The following REELD1 variants were observed in gnomAD, a reference collection of about 807,000 sequenced individuals.
The protein encoded by REELD1 is reeler domain containing 1, also known as reelin domain-containing protein 1.
Under a neutral mutation model 6.3 loss-of-function variants are expected in REELD1, and 12 were observed. The ratio of observed to expected loss-of-function variants is 1.89; its 90% confidence interval spans 1.21 to 3.07. The LOEUF (loss-of-function observed/expected upper bound fraction) is 3.07. Among genes scored for constraint, REELD1 ranks in the 30% most tolerant of loss-of-function variants. REELD1 has a pLI of 0.00. For synonymous variants in REELD1, 57 were observed against 33.6 expected, an observed-to-expected ratio of 1.70 and a Z score of -2.42; for missense variants, 163 against 86.8, an observed-to-expected ratio of 1.88 and a Z score of -3.49.
Position 146,230,310 on chromosome 4 carries a change from G to A in REELD1, c.1378G>A (p.Ala460Thr), listed in dbSNP as rs373607511. Reference sequence around the variant, plus strand: ...AGCCACCCTGGGCATGGCCCTGGCCGCTGGCCTTCGCTACCTGCACACCCA... The same window carrying A: ...AGCCACCCTGGGCATGGCCCTGGCCACTGGCCTTCGCTACCTGCACACCCA... Reference protein sequence around the residue: ...LSATLGMALAAGLRYLHTQYC... With the variant: ...LSATLGMALATGLRYLHTQYC... The change falls in exon 8 of 8, where the codon GCT (alanine) becomes ACT (threonine). Residue 460 changes from alanine to threonine, a missense_variant. By Grantham distance (58) the Ala-to-Thr change is moderately conservative. Coordinates refer to ENST00000623665, the MANE Select transcript of REELD1 (RefSeq NM_001354631.1). 5.3e-5 allele frequency: 21 copies of A among 398,808 alleles called. No individual in the cohort carries two copies. The highest frequency in any genetic ancestry group is 1.8e-4 in the Admixed American group (4 of 22,728). 24.7% of individuals were successfully genotyped at this position (398,808 alleles called of 1,614,324 possible).
chr4:146,221,749 C>T (rs1578698468), intron 3 of REELD1, among the ~76,000 whole-genome samples: 1 of 152,056 alleles, frequency 6.6e-6, no homozygotes, highest in South Asian at 2.1e-4. Context: ...CTCCCAGCTA[C>T]TCGAGAGGCT....
In REELD1 at chr4:146,217,097, G is replaced by C; in HGVS notation, c.145G>C (p.Asp49His). 1 of 399,832 alleles carries C rather than the reference G, an allele frequency of 2.5e-6. No individual in the cohort carries two copies. The allele number at this position is 399,832 out of a possible 1,614,324, so 24.8% of individuals were successfully genotyped here. The change falls in exon 3 of 8, where the codon GAC becomes CAC. Residue 49 changes from aspartate (D) to histidine (H), a missense_variant. Transcript: ENST00000623665. ...KHIQAQPQHQ[D>H]SHHITIHTHR... ...CATCCAAGCCCAGCCTCAGCACCAGGACAGCCACCACATCACCATCCACAC... is the reference window on the plus strand; with the variant it reads ...CATCCAAGCCCAGCCTCAGCACCAGCACAGCCACCACATCACCATCCACAC...
At chr4:146,216,101 G>A (rs145631000) in intron 2 of REELD1, among the ~76,000 whole-genome samples, 3 of 152,238 alleles carry the variant, frequency 2.0e-5, no homozygotes, top group Admixed American at 2.0e-4. Context: ...TATTTATGTA[G>A]GCAGATTTTC....
At position 146,231,193 on chromosome 4, in the gene REELD1, C is replaced by T. The variant is rs779314651; in HGVS notation, c.*680C>T. On this transcript the variant is annotated 3_prime_UTR_variant, in exon 8 of 8. Transcript: ENST00000623665. ...TATACATGCAACACAAGGCCGTAAA[C>T]ACCAGAGTGGGGTAAGAAAGCCTTT... is the stretch of plus-strand genomic sequence containing the variant. 2.1e-4 allele frequency among the ~76,000 whole-genome samples: 32 copies of T among 152,230 alleles called. No individual in the cohort carries two copies. The highest frequency in any genetic ancestry group is 4.0e-4 in the Non-Finnish European group (27 of 68,046).
intron 2 of REELD1, among the ~76,000 whole-genome samples, chr4:146,216,609 G>A (rs1210888074): frequency 6.6e-6 from 1 of 152,196 alleles, no homozygotes; most frequent in South Asian, 2.1e-4. Flanking sequence ...CTTGCAAGGA[G>A]CTCACGCTAG....
chr4:146,216,630 T>G (rs912726626), intron 2 of REELD1, among the ~76,000 whole-genome samples: 1 of 152,220 alleles, frequency 6.6e-6, no homozygotes, highest in Non-Finnish European at 1.5e-5. Context: ...GATACAAACA[T>G]TTTCTGGTTT....
In REELD1 at chr4:146,230,565, G is replaced by A. The variant is rs192192318; in HGVS notation, c.*52G>A. ...TGGCCCTCCTTGGGCCCTGGAGAGT[G>A]TCCCAGACAGAGCAGAGATAATGAG... On this transcript the variant is annotated 3_prime_UTR_variant, in exon 8 of 8. Transcript: ENST00000623665. The A allele has an allele frequency of 5.3e-5, 21 of 398,244 alleles. No individual in the cohort carries two copies. The East Asian group carries it at 7.1e-4, about 14-fold the overall frequency. 24.7% of individuals were successfully genotyped at this position (398,244 alleles called of 1,614,324 possible).
At position 146,217,179 on chromosome 4, in the gene REELD1, TAG is replaced by T. The variant is rs1730842643; in HGVS notation, c.208+25_208+26del. On this transcript the variant is annotated intron_variant, in intron 3 of 7. Coordinates refer to ENST00000623665, the MANE Select transcript of REELD1 (RefSeq NM_001354631.1). Reference sequence around the variant, plus strand: ...ATTCCAGGTATGTACCAGAGAGGCTTAGAGAGACTCCGAGGAGCCCCAGAGCC... The same window carrying T: ...ATTCCAGGTATGTACCAGAGAGGCTTAGAGACTCCGAGGAGCCCCAGAGCC... The T allele has an allele frequency of 1.0e-5, 4 of 399,132 alleles. No individual in the cohort carries two copies. The highest frequency in any genetic ancestry group is 1.8e-5 in the Non-Finnish European group (4 of 226,332). 24.7% of individuals were successfully genotyped at this position (399,132 alleles called of 1,614,324 possible). A position where few individuals can be genotyped will look rare whatever the true frequency, so the allele number is the denominator to read the frequency against.
At chr4:146,220,868 A>T (rs2110918520) in intron 3 of REELD1, among the ~76,000 whole-genome samples, 1 of 152,314 alleles carries the variant, frequency 6.6e-6, no homozygotes, top group South Asian at 2.1e-4. Context: ...CATGAATGTA[A>T]CATCTGGGTT....
At position 146,230,258 on chromosome 4, in the gene REELD1, T is replaced by C. The variant is rs2278473; in HGVS notation, c.1326T>C (p.Pro442=). ...CTCTGGGTATCCAGCTCAGAACTCCTCAGCTGGGAATTCTGCTTTGCCTGT... is the reference window on the plus strand; with the variant it reads ...CTCTGGGTATCCAGCTCAGAACTCCCCAGCTGGGAATTCTGCTTTGCCTGT... The part of the protein sequence containing the change: ...QAPLGIQLRT[P]QLGILLCLSA... The change falls in exon 8 of 8, where the codon CCT becomes CCC. Residue 442 remains proline, a synonymous_variant. Transcript: ENST00000623665. The C allele has an allele frequency of 0.36, 145,086 of 398,618 alleles. 27,702 individuals are homozygous for C. Among genetic ancestry groups the C allele is most frequent in the African/African-American group, 0.54 (26,092 of 48,682 alleles). 24.7% of individuals were successfully genotyped at this position (398,618 alleles called of 1,614,324 possible).
chr4:146,229,775 A>G (rs1731091614), intron 7 of REELD1, 130 bp from the exon 8 acceptor site: 3 of 396,812 alleles, frequency 7.6e-6, no homozygotes, highest in Non-Finnish European at 1.3e-5. Context: ...CTCCTTTAGT[A>G]GCAAGAAAGA....
chr4:146,232,091 G>T lies in REELD1; in HGVS notation c.*1578G>T, dbSNP rs1042645746. 1 of 152,232 alleles carries T rather than the reference G, an allele frequency of 6.6e-6. No individual in the cohort carries two copies. Among genetic ancestry groups the T allele is most frequent in the Non-Finnish European group, 1.5e-5 (1 of 68,054 alleles). 9.4% of individuals were successfully genotyped at this position (152,232 alleles called of 1,614,324 possible). Reference sequence around the variant, plus strand: ...GCAAACAAGGGACCCCATTAGTGGAGAGCTTTCATCTGGCCACATCACATC... The same window carrying T: ...GCAAACAAGGGACCCCATTAGTGGATAGCTTTCATCTGGCCACATCACATC... On this transcript the variant is annotated 3_prime_UTR_variant, in exon 8 of 8. Coordinates refer to ENST00000623665, the MANE Select transcript of REELD1 (RefSeq NM_001354631.1).
chr4:146,214,681 A>G lies in REELD1; in HGVS notation c.-148A>G, dbSNP rs527243475. Reference sequence around the variant, plus strand: ...AAGCCATTCTATCAAGCCTGAAGAAAACTGTGTTCCTAGGTAAGTGGATGT... The same window carrying G: ...AAGCCATTCTATCAAGCCTGAAGAAGACTGTGTTCCTAGGTAAGTGGATGT... On this transcript the variant is annotated 5_prime_UTR_variant, in exon 1 of 8. Coordinates refer to ENST00000623665, the MANE Select transcript of REELD1 (RefSeq NM_001354631.1). 2.0e-5 allele frequency: 3 copies of G among 151,862 alleles called. No homozygotes were observed. In the East Asian group the frequency reaches 5.8e-4, roughly 29 times the overall value. 9.4% of individuals were successfully genotyped at this position (151,862 alleles called of 1,614,324 possible). A position where few individuals can be genotyped will look rare whatever the true frequency, so the allele number is the denominator to read the frequency against.
Position 146,228,314 on chromosome 4 carries a change from A to T in REELD1, c.700A>T (p.Ile234Phe), listed in dbSNP as rs1372768152. 2.8e-6 allele frequency: 2 copies of T among 702,504 alleles called. No homozygotes were observed. Among genetic ancestry groups the T allele is most frequent in the Admixed American group, 4.0e-5 (2 of 50,000 alleles). The allele number at this position is 702,504 out of a possible 1,614,324, so 43.5% of individuals were successfully genotyped here. The change falls in exon 6 of 8, where the codon ATT (isoleucine) becomes TTT (phenylalanine). Residue 234 changes from isoleucine (I) to phenylalanine (F), a missense_variant. By Grantham distance (21) the Ile-to-Phe change is conservative (BLOSUM62 0). Coordinates refer to ENST00000623665, the MANE Select transcript of REELD1 (RefSeq NM_001354631.1). ...EDNLDPVPAS[I>F]WVTKFPGDAE... Reference sequence around the variant, plus strand: ...CAACCTAGATCCTGTTCCTGCCAGTATTTGGGTGACAAAGTTTCCTGGGGA... The same window carrying T: ...CAACCTAGATCCTGTTCCTGCCAGTTTTTGGGTGACAAAGTTTCCTGGGGA...
chr4:146,218,624 C>T (rs144232311), intron 3 of REELD1, among the ~76,000 whole-genome samples: 9 of 152,258 alleles, frequency 5.9e-5, no homozygotes, highest in South Asian at 2.1e-4. Context: ...CCCCAATATA[C>T]TGAATTAAGT....
chr4:146,215,524 G>A (rs1730808599), intron 2 of REELD1, among the ~76,000 whole-genome samples: 1 of 152,148 alleles, frequency 6.6e-6, no homozygotes, highest in Admixed American at 6.5e-5. Flanking sequence ...GAGACAATGG[G>A]AGTGGAGGAC....
At chr4:146,216,083 A>G (rs1730821532) in intron 2 of REELD1, among the ~76,000 whole-genome samples, 1 of 152,186 alleles carries the variant, frequency 6.6e-6, no homozygotes, top group Non-Finnish European at 1.5e-5. Context: ...GCCTGTGATA[A>G]TCCTAAATAT....
Position 146,230,477 on chromosome 4 carries a change from C to T in REELD1, c.1545C>T (p.Ile515=). The change falls in exon 8 of 8, where the codon ATC becomes ATT. Residue 515 remains isoleucine (I), a synonymous_variant. Coordinates refer to ENST00000623665, the MANE Select transcript of REELD1 (RefSeq NM_001354631.1). ...FVLVQAEYNW[I]TPSVGSKKTV... ...TGGTTCAAGCAGAGTACAACTGGAT[C>T]ACTCCTTCTGTGGGTAGCAAGAAAA... is the stretch of plus-strand genomic sequence containing the variant. The T allele has an allele frequency of 2.5e-6, 1 of 398,716 alleles. No individual in the cohort carries two copies. The highest frequency in any genetic ancestry group is 4.4e-6 in the Non-Finnish European group (1 of 226,136). The allele number at this position is 398,716 out of a possible 1,614,324, so 24.7% of individuals were successfully genotyped here.
chr4:146,229,846 A>G, intron 7 of REELD1, 59 bp from the exon 8 acceptor site: 1 of 398,274 alleles, frequency 2.5e-6, no homozygotes. Context: ...TACAAAGTTC[A>G]GTGGCAGCTT....
Sources: gnomAD v4.1 joint callset for allele counts (sites outside exome capture counted in the v4.1 genomes callset) on GRCh38, gnomAD v4.1.1 for gene constraint, MANE v1.5 for transcripts, NCBI Gene and HGNC (gene_info 2026-07-23, HGNC 2026-07-21) for gene names.